The following SHANK2 variants were observed in gnomAD, a reference collection of about 807,000 sequenced individuals.
The protein encoded by SHANK2 is SH3 and multiple ankyrin repeat domains 2, also known as SH3 and multiple ankyrin repeat domains protein 2.
Under a neutral mutation model 133.7 loss-of-function variants are expected in SHANK2, and 43 were observed. That is an observed-to-expected ratio of 0.32 (90% confidence interval 0.25 to 0.41). The LOEUF is 0.41. SHANK2 is among the 10% of genes least tolerant of loss of function. The pLI, the probability that SHANK2 is intolerant of heterozygous loss-of-function variation, is 1.00. For missense variants in SHANK2, 1,994 were observed against 2,235.8 expected (o/e 0.89, Z 2.18); for synonymous variants, 1,017 against 952.8 (o/e 1.07, Z -1.24).
intron 17 of SHANK2, among the ~76,000 whole-genome samples, chr11:70,627,624 T>C (rs1262776095): frequency 2.0e-5 from 3 of 152,250 alleles, no homozygotes; most frequent in Admixed American, 2.0e-4. Context: ...TATTTGCATG[T>C]ACATTTGGTA....
intron 10 of SHANK2, chr11:70,950,006 A>G: frequency 2.2e-6 from 1 of 455,786 alleles, no homozygotes; most frequent in Non-Finnish European, 4.4e-6. Flanking sequence ...TCCCTGCTGC[A>G]CAGGTGGTGG....
intron 17 of SHANK2, among the ~76,000 whole-genome samples, chr11:70,541,869 G>A (rs1554975213): frequency 6.6e-6 from 1 of 152,236 alleles, no homozygotes; most frequent in African/African-American, 2.4e-5. Flanking sequence ...TAAGGCTGAG[G>A]GCAGCCATCT....
intron 14 of SHANK2, among the ~76,000 whole-genome samples, chr11:70,721,723 G>A (rs1204142006): frequency 6.6e-6 from 1 of 152,212 alleles, no homozygotes; most frequent in Non-Finnish European, 1.5e-5. Context: ...CAGTTACCCT[G>A]CATGCAGGAC....
chr11:70,676,474 T>C (rs1157568933), intron 15 of SHANK2, among the ~76,000 whole-genome samples: 2 of 152,234 alleles, frequency 1.3e-5, no homozygotes, highest in African/African-American at 4.8e-5. Flanking sequence ...CTTGGAGCTA[T>C]GGCTGCCATC....
At chr11:70,879,448 A>G (rs1367648559) in intron 11 of SHANK2, among the ~76,000 whole-genome samples, 2 of 152,164 alleles carry the variant, frequency 1.3e-5, no homozygotes, top group Non-Finnish European at 2.9e-5. Context: ...TCTCAAATGC[A>G]GGGAGTGGTG....
At chr11:70,854,106 G>T (rs1949132318) in intron 11 of SHANK2, among the ~76,000 whole-genome samples, 2 of 152,168 alleles carry the variant, frequency 1.3e-5, no homozygotes. Context: ...CTTGGGGAGT[G>T]GGGGAGAAGA....
chr11:70,746,894 G>A lies in SHANK2; in HGVS notation c.1778-48131C>T, dbSNP rs555799673. On this transcript the variant is annotated intron_variant, in intron 14 of 25. Transcript: ENST00000601538. ...CAGATCTCTCTGCCACAGCCCCTGGGGATGAGGGTGGCTTGTCTGCTTCCC... is the reference window on the plus strand; with the variant it reads ...CAGATCTCTCTGCCACAGCCCCTGGAGATGAGGGTGGCTTGTCTGCTTCCC... Among the ~76,000 whole-genome samples, 161 of 151,906 alleles carry A rather than the reference G, an allele frequency of 1.1e-3. 1 individual carries two copies. The highest frequency in any genetic ancestry group is 3.8e-3 in the African/African-American group (158 of 41,416).
intron 10 of SHANK2, among the ~76,000 whole-genome samples, chr11:70,905,771 G>T (rs1473601682): frequency 6.6e-6 from 1 of 151,432 alleles, no homozygotes; most frequent in African/African-American, 2.4e-5. Context: ...ACAGATCCAT[G>T]CCTATTGTTT....
intron 8 of SHANK2, among the ~76,000 whole-genome samples, chr11:71,075,517 T>C (rs1182469069): frequency 6.6e-6 from 1 of 152,134 alleles, no homozygotes; most frequent in East Asian, 1.9e-4. Flanking sequence ...GGACTGGTGC[T>C]CAGTTGTGAG....
At chr11:71,132,549 T>G (rs1347555622) in intron 3 of SHANK2, among the ~76,000 whole-genome samples, 4 of 152,160 alleles carry the variant, frequency 2.6e-5, no homozygotes. Flanking sequence ...GAAGAGCACC[T>G]CAAGTCAAGA....
chr11:71,085,567 A>C (rs1245573653), intron 8 of SHANK2, among the ~76,000 whole-genome samples: 35 of 75,522 alleles, frequency 4.6e-4, no homozygotes, highest in South Asian at 2.1e-3. Context: ...TATTATATAA[A>C]ATATATATTA....
intron 14 of SHANK2, among the ~76,000 whole-genome samples, chr11:70,747,500 T>C (rs1946664830): frequency 6.6e-6 from 1 of 152,198 alleles, no homozygotes; most frequent in Non-Finnish European, 1.5e-5. Context: ...TAACTGAAGA[T>C]TGGCTTACAG....
At chr11:70,499,333 A>C (rs1346460720) in intron 21 of SHANK2, among the ~76,000 whole-genome samples, 1 of 152,172 alleles carries the variant, frequency 6.6e-6, no homozygotes, top group Non-Finnish European at 1.5e-5. Context: ...TGGAAGCTCA[A>C]ATTTGTAGCC....
intron 8 of SHANK2, among the ~76,000 whole-genome samples, chr11:71,085,795 AT>A (rs1951389638): frequency 3.3e-4 from 22 of 66,832 alleles, no homozygotes; most frequent in African/African-American, 1.4e-3. Context: ...ATAATATATG[AT>A]ACAACATAAT....
At chr11:71,116,287 G>A (rs1024456326) in intron 4 of SHANK2, among the ~76,000 whole-genome samples, 1 of 152,254 alleles carries the variant, frequency 6.6e-6, no homozygotes, top group Non-Finnish European at 1.5e-5. Flanking sequence ...AAGCTAAAAT[G>A]AGTGCAATCG....
In SHANK2 at chr11:70,593,878, C is replaced by T. The variant is rs1219948042; in HGVS notation, c.2061+65950G>A. Among the ~76,000 whole-genome samples, 3 of 152,086 alleles carry T rather than the reference C, an allele frequency of 2.0e-5. No individual in the cohort carries two copies. In the East Asian group the frequency reaches 5.8e-4, roughly 29 times the overall value. ...ATTCATTCAATGAATTGCTACAGTC[C>T]AGATGCTGTTCTAGGCTCTGGTGAT... is the stretch of plus-strand genomic sequence containing the variant. On this transcript the variant is annotated intron_variant, in intron 17 of 25. Transcript: ENST00000601538.
At chr11:70,887,685 G>T (rs1353969473) in intron 11 of SHANK2, among the ~76,000 whole-genome samples, 1 of 152,130 alleles carries the variant, frequency 6.6e-6, no homozygotes, top group Non-Finnish European at 1.5e-5. Flanking sequence ...CCTTTAAAGA[G>T]ACTTTTTAAA....
intron 11 of SHANK2, among the ~76,000 whole-genome samples, chr11:70,859,267 T>A (rs1023358388): frequency 3.3e-5 from 5 of 151,774 alleles, no homozygotes; most frequent in African/African-American, 9.7e-5. Context: ...AGTGGATGAA[T>A]GAATAAATGG....
chr11:70,635,324 G>A (rs2061058180), intron 17 of SHANK2: 1 of 152,236 alleles, frequency 6.6e-6, no homozygotes, highest in Admixed American at 6.5e-5. Context: ...ACCTACAGAT[G>A]AACAGACACA....
Sources: gnomAD v4.1 joint callset for allele counts (sites outside exome capture counted in the v4.1 genomes callset) on GRCh38, gnomAD v4.1.1 for gene constraint, MANE v1.5 for transcripts, NCBI Gene and HGNC (gene_info 2026-07-23, HGNC 2026-07-21) for gene names.